CADPS: variants seen among roughly 807,000 people sequenced by gnomAD.
CADPS encodes calcium dependent secretion activator.
A neutral mutation model predicts 167.3 loss-of-function variants in CADPS; 57 were observed. That is an observed-to-expected ratio of 0.34 (90% CI 0.28 to 0.42). The LOEUF (loss-of-function observed/expected upper bound fraction) is 0.42, where lower values mean the gene tolerates loss of function less well. Ranked by LOEUF, CADPS falls within the 20% of genes least tolerant of loss-of-function variation. The probability of loss-of-function intolerance (pLI) is 1.00; values close to 1 mark genes in which losing one functional copy is unlikely to be tolerated. For missense variants in CADPS, 1,414 were observed against 1,738.1 expected (o/e 0.81, Z 3.32); for synonymous variants, 676 against 635.3 (o/e 1.06, Z -0.96).
chr3:62,458,221 A>T lies in CADPS; in HGVS notation c.3636+7146T>A, dbSNP rs944877020. 7.2e-5 allele frequency among the ~76,000 whole-genome samples: 11 copies of T among 152,172 alleles called. No homozygotes were observed. Among genetic ancestry groups the T allele is most frequent in the Non-Finnish European group, 1.5e-5 (1 of 68,028 alleles). On this transcript the variant is annotated intron_variant, in intron 26 of 29. Coordinates refer to ENST00000383710, the MANE Select transcript of CADPS (RefSeq NM_003716.4). The surrounding 1 kb of genome is among the most constrained non-coding windows in gnomAD (Gnocchi z 4.6). ...AGGTGTTATGAAAGGGCTACTGTTT[A>T]TCTCTTATTAGCCCAGTGGCTCTCT...
At chr3:62,429,638 C>T (rs1376103276) in intron 28 of CADPS, among the ~76,000 whole-genome samples, 7 of 151,778 alleles carry the variant, frequency 4.6e-5, no homozygotes, top group Non-Finnish European at 7.4e-5. Flanking sequence ...TGTGTGCACA[C>T]GCGTACTTGT....
chr3:62,781,653 G>C (rs2091644044), intron 1 of CADPS, among the ~76,000 whole-genome samples: 1 of 152,034 alleles, frequency 6.6e-6, no homozygotes, highest in African/African-American at 2.4e-5. Context: ...AACTAATCCT[G>C]GGAGCGAGAA....
chr3:62,555,109 T>G (rs1003541150), intron 10 of CADPS, among the ~76,000 whole-genome samples: 11 of 152,146 alleles, frequency 7.2e-5, no homozygotes, highest in Non-Finnish European at 2.9e-5. Flanking sequence ...CTGAGAGAAT[T>G]TAAGTCTCCG....
Position 62,492,274 on chromosome 3 carries a change from C to G in CADPS, c.2884+16G>C. 6.2e-7 allele frequency: 1 copy of G among 1,611,702 alleles called. No homozygotes were observed. Among genetic ancestry groups the G allele is most frequent in the Non-Finnish European group, 8.5e-7 (1 of 1,178,240 alleles). On this transcript the variant is annotated intron_variant, in intron 20 of 29. Coordinates refer to ENST00000383710, the MANE Select transcript of CADPS (RefSeq NM_003716.4). ...ACACTACTTAGGAAAGTCAAACAGT[C>G]AAAGGTAATACATACAGTCAGTACG... is the stretch of plus-strand genomic sequence containing the variant.
At chr3:62,649,775 C>T (rs1394326522) in intron 5 of CADPS, among the ~76,000 whole-genome samples, 1 of 151,548 alleles carries the variant, frequency 6.6e-6, no homozygotes, top group Non-Finnish European at 1.5e-5. Flanking sequence ...TGGTCTTAAA[C>T]TCCTGAGCTC....
At chr3:62,687,726 C>A (rs11708431) in intron 3 of CADPS, among the ~76,000 whole-genome samples, 11,064 of 129,866 alleles carry the variant, frequency 0.085, 562 homozygotes, top group Non-Finnish European at 0.12. Flanking sequence ...TTCCGGGGTT[C>A]CCTTCGCATT....
Position 62,601,427 on chromosome 3 carries a change from A to G in CADPS, c.1326-8679T>C, listed in dbSNP as rs2059951813. ...TTGCCGATCTCTGTTACAAACAGTT[A>G]AATTGCTGACTTGGCCTAATGGAAA... On this transcript the variant is annotated intron_variant, in intron 6 of 29. Transcript: ENST00000383710. This position sits in a 1 kb window ranked among gnomAD's most constrained non-coding sequence, Gnocchi z 4.3. 6.6e-6 allele frequency among the ~76,000 whole-genome samples: 1 copy of G among 152,200 alleles called. No homozygotes were observed. Among genetic ancestry groups the G allele is most frequent in the South Asian group, 2.1e-4 (1 of 4,836 alleles).
chr3:62,622,250 G>A (rs549520221), intron 6 of CADPS, among the ~76,000 whole-genome samples: 1 of 152,148 alleles, frequency 6.6e-6, no homozygotes, highest in Non-Finnish European at 1.5e-5. Context: ...GGAGTTCAAT[G>A]TCTCTGACTT....
chr3:62,513,832 A>C (rs2068399855), intron 16 of CADPS: 2 of 629,562 alleles, frequency 3.2e-6, no homozygotes, highest in Non-Finnish European at 2.8e-6. Flanking sequence ...TGGGATAAAC[A>C]CAGGATAAAA....
chr3:62,584,571 A>G (rs2084164824), intron 8 of CADPS, among the ~76,000 whole-genome samples: 1 of 152,178 alleles, frequency 6.6e-6, no homozygotes, highest in African/African-American at 2.4e-5. Flanking sequence ...CTCAGCATAT[A>G]CTCAGTCACC....
chr3:62,557,664 T>C, intron 9 of CADPS, 151 bp from the exon 10 acceptor site: 1 of 650,296 alleles, frequency 1.5e-6, no homozygotes, highest in Admixed American at 2.4e-5. Flanking sequence ...GTTGAGCATG[T>C]TACTTAACCT....
rs983052943 is a variant in CADPS at position 62,407,274 on chromosome 3, T to C, written c.3778-4089A>G. The stretch of plus-strand genomic sequence containing the variant: ...GTCATGTGGTGGTGAAGAAAATTAT[T>C]CCCATTGGAATATTTCTGGAATTGT... On this transcript the variant is annotated intron_variant, in intron 28 of 29. Transcript: ENST00000383710. Among the ~76,000 whole-genome samples, 16 of 152,168 alleles carry C rather than the reference T, an allele frequency of 1.1e-4. No individual in the cohort carries two copies. The East Asian group carries it at 2.9e-3, about 27-fold the overall frequency.
intron 1 of CADPS, among the ~76,000 whole-genome samples, chr3:62,845,407 C>T (rs2077253243): frequency 1.3e-5 from 2 of 152,196 alleles, no homozygotes. Context: ...CTCTGTGTCT[C>T]AGTTCCACTA....
At chr3:62,686,722 T>C (rs1166875411) in intron 3 of CADPS, among the ~76,000 whole-genome samples, 2 of 152,094 alleles carry the variant, frequency 1.3e-5, no homozygotes, top group Non-Finnish European at 2.9e-5. Context: ...CTTGTCTGTC[T>C]TGTATTGGTG....
At chr3:62,564,290 C>T (rs746110339) in intron 9 of CADPS, among the ~76,000 whole-genome samples, 4 of 152,114 alleles carry the variant, frequency 2.6e-5, no homozygotes, top group African/African-American at 9.7e-5. Flanking sequence ...CGTGAACCAC[C>T]GTGCCTGGCC....
At position 62,824,690 on chromosome 3, in the gene CADPS, A is replaced by T. The variant is rs534938341; in HGVS notation, c.441+49899T>A. On this transcript the variant is annotated intron_variant, in intron 1 of 29. Coordinates refer to ENST00000383710, the MANE Select transcript of CADPS (RefSeq NM_003716.4). The stretch of plus-strand genomic sequence containing the variant: ...AAGTGAAGCATATCACCACTTTTTA[A>T]AAAAAAGGTAATTCTATAAAGTCTG... Among the ~76,000 whole-genome samples, 48 of 152,230 alleles carry T rather than the reference A, an allele frequency of 3.2e-4. No individual in the cohort carries two copies. In the East Asian group the frequency reaches 7.3e-3, roughly 23 times the overall value.
At position 62,420,117 on chromosome 3, in the gene CADPS, A is replaced by G. The variant is rs1025353624; in HGVS notation, c.3778-16932T>C. On this transcript the variant is annotated intron_variant, in intron 28 of 29. Coordinates refer to ENST00000383710, the MANE Select transcript of CADPS (RefSeq NM_003716.4). The surrounding 1 kb of genome is among the most constrained non-coding windows in gnomAD (Gnocchi z 4.1). ...ATTACATGGAAAAAAATTCAGGTGA[A>G]TAGGTAAATGGAATGCTTTACATTA... is the stretch of plus-strand genomic sequence containing the variant. Among the ~76,000 whole-genome samples, 3 of 152,222 alleles carry G rather than the reference A, an allele frequency of 2.0e-5. No individual in the cohort carries two copies. The highest frequency in any genetic ancestry group is 4.4e-5 in the Non-Finnish European group (3 of 68,050).
At chr3:62,721,140 A>ATTTTTTTTTTTTTTTTTT (rs1564299964) in intron 3 of CADPS, among the ~76,000 whole-genome samples, 4 of 77,478 alleles carry the variant, frequency 5.2e-5, no homozygotes, top group South Asian at 4.9e-4. Context: ...TTTTTAAAAA[A>ATTTTTTTTTTTTTTTTTT]AAAAAGAAGA....
chr3:62,855,743 G>A (rs554278529), intron 1 of CADPS, among the ~76,000 whole-genome samples: 31 of 152,084 alleles, frequency 2.0e-4, no homozygotes, highest in Non-Finnish European at 3.8e-4. Flanking sequence ...CTTTATGCAT[G>A]GGTTCGCTGA....
Sources: allele counts gnomAD v4.1 joint callset (sites outside exome capture counted in the v4.1 genomes callset), GRCh38; gene constraint gnomAD v4.1.1; non-coding constraint Gnocchi (gnomAD v3.1); transcripts MANE v1.5; gene names NCBI Gene and HGNC (gene_info 2026-07-23, HGNC 2026-07-21).